Variants in UMAD1 observed in about 807,000 individuals in gnomAD.
UMAD1 encodes the protein UBAP1-MVB12-associated (UMA) domain containing 1, also known as UBAP1-MVB12-associated (UMA)-domain containing protein 1.
A neutral mutation model predicts 6.1 loss-of-function variants in UMAD1; 8 were observed. That is an observed-to-expected ratio of 1.30 (90% CI 0.76 to 2.35). UMAD1 has a LOEUF of 2.35. Ranked by LOEUF, UMAD1 falls within the 30% of genes most tolerant of loss-of-function variation. UMAD1 has a pLI of 0.00. For missense variants in UMAD1, 130 were observed against 78.4 expected (o/e 1.66, Z -2.49); for synonymous variants, 56 against 31.4 (o/e 1.78, Z -2.61).
chr7:7,662,727 A>C (rs989910021), intron 1 of UMAD1, among the ~76,000 whole-genome samples: 1 of 150,808 alleles, frequency 6.6e-6, no homozygotes, highest in African/African-American at 2.4e-5. Context: ...TGTTGATCTC[A>C]CTGGGAACTG....
At chr7:7,645,476 G>T (rs138480196) in intron 1 of UMAD1, among the ~76,000 whole-genome samples, 1 of 152,138 alleles carries the variant, frequency 6.6e-6, no homozygotes, top group Non-Finnish European at 1.5e-5. Flanking sequence ...CATAGGCCAG[G>T]TAAGTGATGG....
chr7:7,868,524 G>T (rs182717363), intron 3 of UMAD1: 1 of 151,446 alleles, frequency 6.6e-6, no homozygotes, highest in Admixed American at 6.6e-5. Flanking sequence ...GAACCACGGA[G>T]CACAAGCAGG....
intron 1 of UMAD1, among the ~76,000 whole-genome samples, chr7:7,658,755 T>C (rs1785404477): frequency 6.6e-6 from 1 of 152,214 alleles, no homozygotes; most frequent in African/African-American, 2.4e-5. Context: ...TCATCAGGAA[T>C]GTTGGCCTGA....
chr7:7,712,913 C>A (rs1454434526), intron 2 of UMAD1, among the ~76,000 whole-genome samples: 3 of 152,034 alleles, frequency 2.0e-5, no homozygotes, highest in African/African-American at 7.2e-5. Context: ...TAGAATTCAC[C>A]TGTAAAAATT....
At chr7:7,860,740 A>G (rs554830980) in intron 3 of UMAD1, among the ~76,000 whole-genome samples, 2 of 150,492 alleles carry the variant, frequency 1.3e-5, no homozygotes, top group Admixed American at 1.3e-4. Flanking sequence ...GCACCACTGC[A>G]CTCCAGCCTG....
intron 2 of UMAD1, among the ~76,000 whole-genome samples, chr7:7,789,748 G>A (rs1411453325): frequency 2.0e-5 from 3 of 152,118 alleles, no homozygotes; most frequent in South Asian, 2.1e-4. Flanking sequence ...ACTTAGCAAT[G>A]TCTTCAAGTT....
intron 3 of UMAD1, among the ~76,000 whole-genome samples, chr7:7,846,567 A>G (rs1489305576): frequency 6.6e-6 from 1 of 152,150 alleles, no homozygotes; most frequent in Non-Finnish European, 1.5e-5. Flanking sequence ...CTGAGTAGTA[A>G]TATTTTTTAA....
chr7:7,665,668 C>A (rs1779427433), intron 1 of UMAD1, among the ~76,000 whole-genome samples: 1 of 152,162 alleles, frequency 6.6e-6, no homozygotes, highest in South Asian at 2.1e-4. Context: ...ACTCCCTTGT[C>A]ATCCCTCCTT....
At chr7:7,741,609 A>T (rs939230386) in intron 2 of UMAD1, among the ~76,000 whole-genome samples, 1 of 148,376 alleles carries the variant, frequency 6.7e-6, no homozygotes, top group Non-Finnish European at 1.5e-5. Flanking sequence ...TAATAATAAT[A>T]ATAATAAAAA....
intron 1 of UMAD1, among the ~76,000 whole-genome samples, chr7:7,650,867 C>T (rs1785209673): frequency 2.0e-5 from 3 of 152,144 alleles, no homozygotes; most frequent in Admixed American, 1.3e-4. Flanking sequence ...CATGGCTTAC[C>T]TTTACCTTTA....
At chr7:7,753,973 C>T (rs1000338943) in intron 2 of UMAD1, among the ~76,000 whole-genome samples, 10 of 152,172 alleles carry the variant, frequency 6.6e-5, no homozygotes, top group South Asian at 2.1e-4. Flanking sequence ...CACCTGAGGT[C>T]GGGAGTTCGA....
In UMAD1 at chr7:7,796,244, C is replaced by CTTTTTTTTTTTTTTTTTTT. The variant is rs59221325; in HGVS notation, c.83-5420_83-5402dup. On this transcript the variant is annotated intron_variant, in intron 2 of 3. Coordinates refer to ENST00000682710, the MANE Select transcript of UMAD1 (RefSeq NM_001302348.2). ...ACTTTGACCCATTTCTATTTTCTTT[C>CTTTTTTTTTTTTTTTTTTT]TTTTTTTTTTTTTTTTTTTTTTTTG... Among the ~76,000 whole-genome samples, 93 of 63,946 alleles carry CTTTTTTTTTTTTTTTTTTT rather than the reference C, an allele frequency of 1.5e-3. 16 individuals carry two copies. Among genetic ancestry groups the CTTTTTTTTTTTTTTTTTTT allele is most frequent in the African/African-American group, 7.7e-3 (79 of 10,240 alleles). 42.0% of individuals were successfully genotyped at this position (63,946 alleles called of 152,430 possible).
intron 3 of UMAD1, among the ~76,000 whole-genome samples, chr7:7,807,588 T>A (rs555789268): frequency 1.3e-5 from 2 of 152,070 alleles, no homozygotes; most frequent in Admixed American, 6.5e-5. Context: ...TTATGGAAAT[T>A]CTAACATCTA....
In UMAD1 at chr7:7,827,141, A is replaced by ATG. The variant is rs1439982206; in HGVS notation, c.156+25399_156+25400insGT. Among the ~76,000 whole-genome samples the ATG allele has an allele frequency of 5.1e-3, 689 of 134,974 alleles. 4 individuals are homozygous for ATG. Among genetic ancestry groups the ATG allele is most frequent in the East Asian group, 0.026 (126 of 4,784 alleles). 88.5% of individuals were successfully genotyped at this position (134,974 alleles called of 152,430 possible). ...GTCCAGGATATATATATATATATAT[A>ATG]TATATATGTGTGTGTGTGTGTGTGT... On this transcript the variant is annotated intron_variant, in intron 3 of 3. Transcript: ENST00000682710.
intron 2 of UMAD1, among the ~76,000 whole-genome samples, chr7:7,722,806 C>T (rs1375496805): frequency 2.0e-5 from 3 of 152,132 alleles, no homozygotes; most frequent in African/African-American, 7.2e-5. Context: ...AAAGTGAAGG[C>T]ATTGATTGGA....
intron 2 of UMAD1, among the ~76,000 whole-genome samples, chr7:7,731,665 G>A (rs940411110): frequency 5.1e-4 from 77 of 152,252 alleles, no homozygotes; most frequent in African/African-American, 1.8e-3. Context: ...CGCAATAAAA[G>A]AGAGTTTTCA....
intron 1 of UMAD1, among the ~76,000 whole-genome samples, chr7:7,645,842 A>T (rs1785081535): frequency 6.7e-6 from 1 of 148,186 alleles, no homozygotes; most frequent in African/African-American, 2.5e-5. Context: ...ATCTATGTTC[A>T]TGAGTGAGAT....
chr7:7,863,130 T>A (rs1001036903), intron 3 of UMAD1, among the ~76,000 whole-genome samples: 5 of 152,250 alleles, frequency 3.3e-5, no homozygotes, highest in Non-Finnish European at 7.3e-5. Flanking sequence ...ACTTGTTTTA[T>A]AGTCTATATG....
intron 2 of UMAD1, chr7:7,692,558 T>G: frequency 6.6e-6 from 1 of 152,182 alleles, no homozygotes; most frequent in East Asian, 1.9e-4. Context: ...TCCCTTTGCC[T>G]TAGAAATTCC....
Sources: gnomAD v4.1 joint callset for allele counts (sites outside exome capture counted in the v4.1 genomes callset) on GRCh38, gnomAD v4.1.1 for gene constraint, MANE v1.5 for transcripts, NCBI Gene and HGNC (gene_info 2026-07-23, HGNC 2026-07-21) for gene names.